Variants in CGNL1 observed in about 807,000 individuals in gnomAD.
CGNL1 encodes the protein cingulin-like protein 1.
Under a neutral mutation model 141.2 loss-of-function variants are expected in CGNL1, and 132 were observed. The ratio of observed to expected loss-of-function variants is 0.93; its 90% confidence interval spans 0.81 to 1.08. The LOEUF (loss-of-function observed/expected upper bound fraction) is 1.08. Ranked by LOEUF, CGNL1 falls within the 50% of genes least tolerant of loss-of-function variation. The pLI is 0.00. For missense variants in CGNL1, 1,870 were observed against 1,588.6 expected (o/e 1.18, Z -3.01); for synonymous variants, 690 against 622.1 (o/e 1.11, Z -1.63).
At position 57,438,145 on chromosome 15, in the gene CGNL1, T is replaced by C; in HGVS notation, c.146T>C (p.Ile49Thr). The C allele has an allele frequency of 6.2e-7, 1 of 1,614,150 alleles. No homozygotes were observed. The highest frequency in any genetic ancestry group is 8.5e-7 in the Non-Finnish European group (1 of 1,180,026). Residue 49 changes from isoleucine (I) to threonine (T), a missense_variant, in exon 2 of 19, where the codon ATT (isoleucine) becomes ACT (threonine). Coordinates refer to ENST00000281282, the MANE Select transcript of CGNL1 (RefSeq NM_032866.5). ...SYGVSIRVQG[I>T]DGHPYIVLNN... The stretch of plus-strand genomic sequence containing the variant: ...GGTGTCAGTATTCGGGTCCAGGGAA[T>C]TGATGGTCACCCCTATATTGTCCTG...
rs2152332440 is a variant in CGNL1 at position 57,461,004 on chromosome 15, A to G, written c.2191-676A>G. ...AAGGTGTCTGTGAGGGCGAGTCCTGAGCTGGAAAACTGAGAAGGTCTGGGA... is the reference window on the plus strand; with the variant it reads ...AAGGTGTCTGTGAGGGCGAGTCCTGGGCTGGAAAACTGAGAAGGTCTGGGA... On this transcript the variant is annotated intron_variant, in intron 7 of 18. Transcript: ENST00000281282. 2.0e-5 allele frequency among the ~76,000 whole-genome samples: 3 copies of G among 152,206 alleles called. No homozygotes were observed. In the Middle Eastern group the frequency reaches 0.01, roughly 518 times the overall value.
chr15:57,499,944 G>T (rs184379954), intron 8 of CGNL1, among the ~76,000 whole-genome samples: 1 of 152,302 alleles, frequency 6.6e-6, no homozygotes, highest in East Asian at 1.9e-4. Flanking sequence ...TTTGTTGTGT[G>T]TTGGGAGTCG....
At chr15:57,474,125 G>T (rs543265564) in intron 8 of CGNL1, among the ~76,000 whole-genome samples, 119 of 151,866 alleles carry the variant, frequency 7.8e-4, no homozygotes, top group African/African-American at 2.5e-3. Context: ...TGGCCAGGCT[G>T]GTCTCGAACT....
At chr15:57,440,586 G>C in intron 3 of CGNL1, 115 bp downstream of exon 3, 1 of 814,750 alleles carries the variant, frequency 1.2e-6, no homozygotes, top group South Asian at 1.6e-5. Context: ...CCAGCCGTTG[G>C]AGGGTTAAAA....
At chr15:57,496,196 A>G (rs1288404475) in intron 8 of CGNL1, among the ~76,000 whole-genome samples, 1 of 152,194 alleles carries the variant, frequency 6.6e-6, no homozygotes, top group African/African-American at 2.4e-5. Flanking sequence ...TTAGTTCCTT[A>G]CTTGTAGGGC....
At chr15:57,490,138 G>A (rs2063838730) in intron 8 of CGNL1, among the ~76,000 whole-genome samples, 1 of 152,058 alleles carries the variant, frequency 6.6e-6, no homozygotes, top group South Asian at 2.1e-4. Context: ...ATGAAAATAA[G>A]CAATAAAAAT....
chr15:57,503,447 C>T (rs1417626121), intron 8 of CGNL1, among the ~76,000 whole-genome samples: 1 of 152,144 alleles, frequency 6.6e-6, no homozygotes, highest in Non-Finnish European at 1.5e-5. Context: ...GTGGGACTCT[C>T]ATCAGATAGG....
chr15:57,488,171 C>T (rs372929141), intron 8 of CGNL1, among the ~76,000 whole-genome samples: 1 of 152,116 alleles, frequency 6.6e-6, no homozygotes, highest in Non-Finnish European at 1.5e-5. Flanking sequence ...AGTATCTTTT[C>T]ATGTGCTTAT....
chr15:57,380,634 G>A lies in CGNL1; in HGVS notation c.-16+4067G>A, dbSNP rs1434166125. Among the ~76,000 whole-genome samples, 11 of 152,076 alleles carry A rather than the reference G, an allele frequency of 7.2e-5. No individual in the cohort carries two copies. In the East Asian group the frequency reaches 2.1e-3, roughly 29 times the overall value. On this transcript the variant is annotated intron_variant, in intron 1 of 18. Coordinates refer to ENST00000281282, the MANE Select transcript of CGNL1 (RefSeq NM_032866.5). ...GCCCGTACCCCAAATGACTGATTTT[G>A]GAAATGTCCGACTCCAGGAGCGAGA...
At chr15:57,410,017 C>T (rs150737360) in intron 1 of CGNL1, among the ~76,000 whole-genome samples, 2 of 152,280 alleles carry the variant, frequency 1.3e-5, no homozygotes, top group African/African-American at 4.8e-5. Context: ...AAGCCGTTAG[C>T]CCAGAAGGTA....
intron 7 of CGNL1, among the ~76,000 whole-genome samples, chr15:57,459,942 G>A (rs1362320910): frequency 6.6e-6 from 1 of 152,186 alleles, no homozygotes; most frequent in African/African-American, 2.4e-5. Flanking sequence ...GTTAGTGCAG[G>A]TTTGAACTCA....
At chr15:57,435,610 C>G (rs1176877743) in intron 1 of CGNL1, among the ~76,000 whole-genome samples, 3 of 151,996 alleles carry the variant, frequency 2.0e-5, no homozygotes, top group Non-Finnish European at 2.9e-5. Flanking sequence ...ATGTACCTCT[C>G]TGAGTTGTTC....
At position 57,384,840 on chromosome 15, in the gene CGNL1, A is replaced by G. The variant is rs115905382; in HGVS notation, c.-16+8273A>G. On this transcript the variant is annotated intron_variant, in intron 1 of 18. Transcript: ENST00000281282. ...GTGTTTTGAAACTTGACATCCTTGT[A>G]TTTCCTCTGTCTCTAGCAGCCACAG... is the stretch of plus-strand genomic sequence containing the variant. Among the ~76,000 whole-genome samples the G allele has an allele frequency of 6.6e-4, 101 of 152,340 alleles. 1 individual carries two copies. Among genetic ancestry groups the G allele is most frequent in the African/African-American group, 2.3e-3 (96 of 41,580 alleles).
intron 1 of CGNL1, among the ~76,000 whole-genome samples, chr15:57,385,916 G>A (rs1017236200): frequency 2.0e-5 from 3 of 152,214 alleles, no homozygotes; most frequent in African/African-American, 7.2e-5. Flanking sequence ...TAGAGCCAAG[G>A]CTAAGAAACC....
Position 57,420,317 on chromosome 15 carries a change from CAT to C in CGNL1, c.-15-17666_-15-17665del, listed in dbSNP as rs531915645. Among the ~76,000 whole-genome samples the C allele has an allele frequency of 2.5e-3, 383 of 152,286 alleles. 4 individuals carry two copies. Among genetic ancestry groups the C allele is most frequent in the African/African-American group, 9.0e-3 (372 of 41,552 alleles). ...GCTCTCAGCCAAAAGAGCAAGAAAA[CAT>C]AGATGTGTACACTAGCCTGTGTATA... On this transcript the variant is annotated intron_variant, in intron 1 of 18. Transcript: ENST00000281282.
chr15:57,484,381 T>C (rs1004680466), intron 8 of CGNL1, among the ~76,000 whole-genome samples: 1 of 152,202 alleles, frequency 6.6e-6, no homozygotes, highest in African/African-American at 2.4e-5. Context: ...AGTTGTCAGA[T>C]GTGTGTTGAG....
chr15:57,547,318 C>G, intron 18 of CGNL1, 37 bp from the exon 19 acceptor site: 1 of 1,610,740 alleles, frequency 6.2e-7, no homozygotes, highest in Non-Finnish European at 8.5e-7. Context: ...GGGCCCCGGC[C>G]CAGGGCCAGG....
intron 8 of CGNL1, among the ~76,000 whole-genome samples, chr15:57,472,009 A>T (rs541352405): frequency 1.1e-3 from 164 of 152,062 alleles, no homozygotes; most frequent in Non-Finnish European, 8.7e-4. Context: ...TGTGTGAGGC[A>T]GGAAGATCAC....
At position 57,523,601 on chromosome 15, in the gene CGNL1, G is replaced by A. The variant is rs745848899; in HGVS notation, c.2828G>A (p.Arg943Gln). Reference sequence around the variant, plus strand: ...TTGAAGAACGAGATGGAGAATGAGCGGTGGCACCTGGGCAAAACCATTGAG... The same window carrying A: ...TTGAAGAACGAGATGGAGAATGAGCAGTGGCACCTGGGCAAAACCATTGAG... The part of the protein sequence containing the change: ...RRLKNEMENE[R>Q]WHLGKTIEKL... Residue 943 changes from arginine to glutamine, a missense_variant, in exon 11 of 19, where the codon CGG becomes CAG. Coordinates refer to ENST00000281282, the MANE Select transcript of CGNL1 (RefSeq NM_032866.5). 8.7e-6 allele frequency: 14 copies of A among 1,614,032 alleles called. No homozygotes were observed. Among genetic ancestry groups the A allele is most frequent in the South Asian group, 3.3e-5 (3 of 91,072 alleles).
Sources: gnomAD v4.1 joint callset for allele counts (sites outside exome capture counted in the v4.1 genomes callset) on GRCh38, gnomAD v4.1.1 for gene constraint, MANE v1.5 for transcripts, NCBI Gene and HGNC (gene_info 2026-07-23, HGNC 2026-07-21) for gene names.